KIRREL1: variants seen among roughly 807,000 people sequenced by gnomAD.
The protein encoded by KIRREL1 is kin of IRRE-like protein 1.
KIRREL1 carries 25 observed loss-of-function variants against 83.3 expected under a neutral mutation model. That is an observed-to-expected ratio of 0.30 (90% CI 0.22 to 0.42). The LOEUF (loss-of-function observed/expected upper bound fraction) is 0.42, where lower values mean the gene tolerates loss of function less well. Ranked by LOEUF, KIRREL1 falls within the 10% of genes least tolerant of loss-of-function variation. KIRREL1 has a pLI of 1.00. For synonymous variants in KIRREL1, 388 were observed against 410.4 expected, an observed-to-expected ratio of 0.95 and a Z score of 0.66; for missense variants, 812 against 1,032.3, an observed-to-expected ratio of 0.79 and a Z score of 2.92.
intron 1 of KIRREL1, among the ~76,000 whole-genome samples, chr1:158,018,647 G>T (rs1424641072): frequency 6.6e-6 from 1 of 152,122 alleles, no homozygotes; most frequent in Non-Finnish European, 1.5e-5. Context: ...GTCAAGAATG[G>T]GACTGCTAGA....
At chr1:158,011,273 G>T (rs550967267) in intron 1 of KIRREL1, among the ~76,000 whole-genome samples, 1 of 152,284 alleles carries the variant, frequency 6.6e-6, no homozygotes, top group East Asian at 1.9e-4. Flanking sequence ...CAAGGCCCTG[G>T]ATTATGTTTT....
intron 10 of KIRREL1, among the ~76,000 whole-genome samples, chr1:158,090,708 AG>A (rs1426536026): frequency 6.6e-6 from 1 of 152,152 alleles, no homozygotes; most frequent in Non-Finnish European, 1.5e-5. Context: ...GCCTATTATA[AG>A]TCTGTGGATC....
chr1:157,993,764 T>TC (rs1316201173), intron 1 of KIRREL1, 36 bp downstream of exon 1: 12 of 1,387,208 alleles, frequency 8.7e-6, no homozygotes, highest in Non-Finnish European at 8.7e-6. Flanking sequence ...ACGCTCGGCT[T>TC]CCCCCCGGGG....
intron 3 of KIRREL1, 100 bp from the exon 4 acceptor site, chr1:158,084,322 G>T (rs531117686): frequency 1.7e-6 from 2 of 1,183,074 alleles, no homozygotes; most frequent in African/African-American, 3.1e-5. Flanking sequence ...ACCTAGAGGC[G>T]CACATGCAGG....
chr1:158,085,344 A>G (rs929525689), intron 4 of KIRREL1, among the ~76,000 whole-genome samples: 2 of 152,192 alleles, frequency 1.3e-5, no homozygotes, highest in East Asian at 1.9e-4. Context: ...TCAGCAAGCA[A>G]TCCCAGGAAT....
At chr1:157,996,202 T>G (rs934275780) in intron 1 of KIRREL1, among the ~76,000 whole-genome samples, 2 of 152,156 alleles carry the variant, frequency 1.3e-5, no homozygotes, top group African/African-American at 4.8e-5. Context: ...AGAATTTCAA[T>G]GGGCTTCATC....
rs573293865 is a variant in KIRREL1, at chr1:158,065,922, A to G, written c.53-10191A>G. ...ATTTTCGTTCTCATTTTCCTCTCCC[A>G]GATGGTCTCCTTACTTTATTTCTTG... is the stretch of plus-strand genomic sequence containing the variant. On this transcript the variant is annotated intron_variant, in intron 1 of 14. Coordinates refer to ENST00000359209, the MANE Select transcript of KIRREL1 (RefSeq NM_018240.7). Among the ~76,000 whole-genome samples the G allele has an allele frequency of 7.3e-5, 11 of 151,558 alleles. No individual in the cohort carries two copies. In the East Asian group the frequency reaches 2.1e-3, roughly 29 times the overall value.
chr1:158,090,811 G>A (rs1182092191), intron 10 of KIRREL1, among the ~76,000 whole-genome samples: 1 of 152,214 alleles, frequency 6.6e-6, no homozygotes, highest in Admixed American at 6.5e-5. Context: ...GACTATCAGA[G>A]CTGGAAGAAA....
At chr1:158,090,830 A>G (rs1662176159) in intron 10 of KIRREL1, among the ~76,000 whole-genome samples, 1 of 152,210 alleles carries the variant, frequency 6.6e-6, no homozygotes, top group African/African-American at 2.4e-5. Flanking sequence ...AATCTTGAGC[A>G]TTGTCTAGCC....
In KIRREL1 at chr1:158,094,726, C is replaced by A; in HGVS notation, c.1880C>A (p.Ala627Asp). ...GCAGTGCTCTATGCTGACTACCGTG[C>A]CCCTGGCCCTGCCCGCTTCGACGGC... ...SRAVLYADYR[A>D]PGPARFDGRP... is the part of the protein sequence containing the mutation. The change falls in exon 15 of 15, where the codon GCC becomes GAC. Residue 627 changes from alanine to aspartate, a missense_variant. Transcript: ENST00000359209. This position sits in a 1 kb window ranked among gnomAD's most constrained non-coding sequence, Gnocchi z 4.6. 1.2e-6 allele frequency: 2 copies of A among 1,613,348 alleles called. No homozygotes were observed. Among genetic ancestry groups the A allele is most frequent in the Non-Finnish European group, 8.5e-7 (1 of 1,179,982 alleles).
rs767499528 is a variant in KIRREL1 at position 158,089,830 on chromosome 1, A to C, written c.1272+12A>C. ...CCCCAGACCGCATAGTGAGTGGCGG[A>C]CCTGCCTGCGGACAGCCAGCCCTCC... On this transcript the variant is annotated intron_variant, in intron 10 of 14. Transcript: ENST00000359209. 1.2e-6 allele frequency: 2 copies of C among 1,610,318 alleles called. No homozygotes were observed.
At chr1:158,063,201 C>T (rs1037926371) in intron 1 of KIRREL1, among the ~76,000 whole-genome samples, 16 of 152,338 alleles carry the variant, frequency 1.1e-4, no homozygotes, top group African/African-American at 3.6e-4. Flanking sequence ...CTATGTCCAA[C>T]TTACGAGGCT....
intron 1 of KIRREL1, among the ~76,000 whole-genome samples, chr1:157,995,674 A>C (rs963314481): frequency 4.6e-5 from 7 of 152,224 alleles, no homozygotes; most frequent in African/African-American, 1.7e-4. Flanking sequence ...AATTGGGGAC[A>C]GAAAGAATTG....
intron 10 of KIRREL1, among the ~76,000 whole-genome samples, chr1:158,090,532 G>C (rs1318088537): frequency 6.6e-6 from 1 of 152,134 alleles, no homozygotes; most frequent in Non-Finnish European, 1.5e-5. Context: ...CTGGCCTCCC[G>C]GGGGGCTTTC....
At position 158,095,088 on chromosome 1, in the gene KIRREL1, C is replaced by A; in HGVS notation, c.2242C>A (p.Arg748=). The part of the protein sequence containing the change: ...YTSQHSDYGQ[R]FQQRMQTHV ...CTCCCAGCACTCGGACTACGGCCAGCGATTCCAGCAGCGCATGCAGACTCA... is the reference window on the plus strand; with the variant it reads ...CTCCCAGCACTCGGACTACGGCCAGAGATTCCAGCAGCGCATGCAGACTCA... The change falls in exon 15 of 15, where the codon CGA becomes AGA. Residue 748 remains arginine (R), a synonymous_variant. Coordinates refer to ENST00000359209, the MANE Select transcript of KIRREL1 (RefSeq NM_018240.7). The A allele has an allele frequency of 6.2e-7, 1 of 1,607,488 alleles. No individual in the cohort carries two copies. The highest frequency in any genetic ancestry group is 8.5e-7 in the Non-Finnish European group (1 of 1,175,566).
At chr1:158,018,366 G>A (rs560099939) in intron 1 of KIRREL1, among the ~76,000 whole-genome samples, 20 of 152,120 alleles carry the variant, frequency 1.3e-4, no homozygotes, top group Non-Finnish European at 1.2e-4. Flanking sequence ...AAGGGCTGTG[G>A]GAACTGATGT....
At chr1:158,026,551 A>C (rs142585403) in intron 1 of KIRREL1, among the ~76,000 whole-genome samples, 39 of 152,322 alleles carry the variant, frequency 2.6e-4, no homozygotes, top group Non-Finnish European at 4.9e-4. Flanking sequence ...CATCCCAGCT[A>C]TATCACTTAC....
At chr1:158,050,202 G>GCAGT (rs1660875722) in intron 1 of KIRREL1, among the ~76,000 whole-genome samples, 1 of 152,056 alleles carries the variant, frequency 6.6e-6, no homozygotes, top group Non-Finnish European at 1.5e-5. Flanking sequence ...GTCCCAGGTG[G>GCAGT]CAGTACTGCC....
At chr1:158,056,421 T>A (rs1055624004) in intron 1 of KIRREL1, among the ~76,000 whole-genome samples, 2 of 152,124 alleles carry the variant, frequency 1.3e-5, no homozygotes, top group Admixed American at 6.5e-5. Context: ...TGGGGAGTGA[T>A]CAGCAGGGGT....
Sources: gnomAD v4.1 joint callset for allele counts (sites outside exome capture counted in the v4.1 genomes callset) on GRCh38, gnomAD v4.1.1 for gene constraint, Gnocchi (gnomAD v3.1) non-coding constraint, MANE v1.5 for transcripts, NCBI Gene and HGNC (gene_info 2026-07-23, HGNC 2026-07-21) for gene names.